The following HMGB1 variants were observed in gnomAD, a reference collection of about 807,000 sequenced individuals.
The protein encoded by HMGB1 is high mobility group box 1, also known as high mobility group protein B1.
For synonymous variants in HMGB1, 81 were observed against 84.0 expected (o/e 0.96, Z 0.19); for missense variants, 79 against 253.5 (o/e 0.31, Z 4.67).
chr13:30,553,695 T>C, intron 1 of HMGB1: 1 of 912,726 alleles, frequency 1.1e-6, no homozygotes. Flanking sequence ...TGAGCGGGAG[T>C]TCAAGGAGTT....
intron 1 of HMGB1, among the ~76,000 whole-genome samples, chr13:30,486,614 T>C (rs894143497): frequency 6.6e-6 from 1 of 152,178 alleles, no homozygotes; most frequent in Non-Finnish European, 1.5e-5. Flanking sequence ...GGGGAACCTG[T>C]TGGACAGGAC....
At chr13:30,516,481 A>C (rs1180410104) in intron 1 of HMGB1, among the ~76,000 whole-genome samples, 2 of 152,348 alleles carry the variant, frequency 1.3e-5, no homozygotes, top group Non-Finnish European at 2.9e-5. Context: ...CATACCATAT[A>C]TGTATTTGTG....
intron 1 of HMGB1, among the ~76,000 whole-genome samples, chr13:30,612,765 T>C (rs1950524045): frequency 6.6e-6 from 1 of 152,124 alleles, no homozygotes; most frequent in African/African-American, 2.4e-5. Context: ...ATTTTTTGAT[T>C]TGGAGGCTTC....
rs548705611 is a variant in HMGB1 at position 30,602,286 on chromosome 13, A to T, written c.-15+14385T>A. On this transcript the variant is annotated intron_variant, in intron 1 of 4. Transcript: ENST00000405805. ...GGTCTCAGACATGTCCCTGAGGCCC[A>T]CTTAGACCCTTCAACCCCAGCCCAG... Among the ~76,000 whole-genome samples the T allele has an allele frequency of 3.9e-5, 6 of 152,262 alleles. 1 individual carries two copies. The South Asian group carries it at 1.2e-3, about 32-fold the overall frequency.
intron 1 of HMGB1, among the ~76,000 whole-genome samples, chr13:30,558,723 T>C (rs962921387): frequency 1.3e-5 from 2 of 152,174 alleles, no homozygotes; most frequent in African/African-American, 2.4e-5. Flanking sequence ...CAAATGTTGA[T>C]CCTCAAAACC....
At chr13:30,595,559 A>G (rs1259624170) in intron 1 of HMGB1, among the ~76,000 whole-genome samples, 1 of 152,240 alleles carries the variant, frequency 6.6e-6, no homozygotes, top group African/African-American at 2.4e-5. Context: ...TAGTAGCTTG[A>G]AACAATAAAC....
At chr13:30,612,761 T>G (rs940926104) in intron 1 of HMGB1, among the ~76,000 whole-genome samples, 4 of 152,136 alleles carry the variant, frequency 2.6e-5, no homozygotes, top group Admixed American at 2.0e-4. Context: ...CTTAATTTTT[T>G]GATTTGGAGG....
At chr13:30,475,135 TCTC>T (rs150858728) in intron 1 of HMGB1, among the ~76,000 whole-genome samples, 1,328 of 52,096 alleles carry the variant, frequency 0.025, 124 homozygotes, top group East Asian at 0.066. Context: ...TCTCTCTCTC[TCTC>T]TTTTTTTTTT....
intron 1 of HMGB1, among the ~76,000 whole-genome samples, chr13:30,526,331 A>G (rs919150374): frequency 2.0e-5 from 3 of 152,250 alleles, no homozygotes; most frequent in Admixed American, 6.5e-5. Context: ...TGCTGGGTTT[A>G]TAGGCGCAAG....
chr13:30,534,415 G>C (rs181012766), intron 1 of HMGB1, among the ~76,000 whole-genome samples: 196 of 150,260 alleles, frequency 1.3e-3, no homozygotes, highest in African/African-American at 4.0e-3. Flanking sequence ...CGTTGGACTT[G>C]TATAGCTTGA....
At chr13:30,528,598 T>C (rs1422365100) in intron 1 of HMGB1, among the ~76,000 whole-genome samples, 1 of 152,202 alleles carries the variant, frequency 6.6e-6, no homozygotes, top group Non-Finnish European at 1.5e-5. Flanking sequence ...TAGTTGTGTA[T>C]GCTGTGTGTT....
intron 1 of HMGB1, among the ~76,000 whole-genome samples, chr13:30,561,305 A>G (rs1375855725): frequency 6.6e-6 from 1 of 152,176 alleles, no homozygotes; most frequent in Non-Finnish European, 1.5e-5. Flanking sequence ...AAGATCATGG[A>G]GGTAGCTGAG....
chr13:30,482,981 G>A (rs1057484668), intron 1 of HMGB1, among the ~76,000 whole-genome samples: 1 of 151,046 alleles, frequency 6.6e-6, no homozygotes, highest in Non-Finnish European at 1.5e-5. Flanking sequence ...TAGAGACAGG[G>A]TATAGCTATA....
chr13:30,469,267 T>G (rs1886867836), upstream of HMGB1, among the ~76,000 whole-genome samples: 1 of 152,158 alleles, frequency 6.6e-6, no homozygotes, highest in Non-Finnish European at 1.5e-5. Context: ...CATGCTCAAT[T>G]TAAACAACTG....
intron 1 of HMGB1, among the ~76,000 whole-genome samples, chr13:30,513,339 A>T (rs1442305289): frequency 6.6e-6 from 1 of 152,010 alleles, no homozygotes; most frequent in Non-Finnish European, 1.5e-5. Flanking sequence ...TTTTACTCTC[A>T]TCTGCCTGGA....
intron 1 of HMGB1, among the ~76,000 whole-genome samples, chr13:30,582,311 G>A (rs1466725015): frequency 6.6e-6 from 1 of 152,134 alleles, no homozygotes; most frequent in Non-Finnish European, 1.5e-5. Context: ...TTAAAAGCTA[G>A]AATGAAAATT....
At chr13:30,538,745 CTTT>C (rs1356021866) in intron 1 of HMGB1, among the ~76,000 whole-genome samples, 5 of 108,412 alleles carry the variant, frequency 4.6e-5, no homozygotes, top group East Asian at 2.6e-4. Context: ...TTTCTTTCTT[CTTT>C]TTCTTTCTTT....
chr13:30,466,070 A>T, upstream of HMGB1: 1 of 477,450 alleles, frequency 2.1e-6, no homozygotes, highest in Non-Finnish European at 2.7e-6. Context: ...TCAAGGATTG[A>T]AACAGCGCGC....
At chr13:30,615,175 G>C (rs530172691) in intron 1 of HMGB1, among the ~76,000 whole-genome samples, 1 of 152,212 alleles carries the variant, frequency 6.6e-6, no homozygotes, top group Non-Finnish European at 1.5e-5. Context: ...TGATATGACA[G>C]ACACACAATA....
Sources: gnomAD v4.1 joint callset for allele counts (sites outside exome capture counted in the v4.1 genomes callset) on GRCh38, gnomAD v4.1.1 for gene constraint, MANE v1.5 for transcripts, NCBI Gene and HGNC (gene_info 2026-07-23, HGNC 2026-07-21) for gene names.